The following MCTP1 variants were observed in gnomAD, a reference collection of about 807,000 sequenced individuals.
MCTP1 encodes multiple C2 and transmembrane domain-containing protein 1.
MCTP1 carries 69 observed loss-of-function variants against 120.6 expected under a neutral mutation model. The ratio of observed to expected loss-of-function variants is 0.57; its 90% CI spans 0.47 to 0.70. The LOEUF (loss-of-function observed/expected upper bound fraction) is 0.70. Ranked by LOEUF, MCTP1 falls within the 30% of genes least tolerant of loss-of-function variation. MCTP1 has a pLI of 0.00. For missense variants in MCTP1, 1,203 were observed against 1,248.8 expected, an observed-to-expected ratio of 0.96 and a Z score of 0.55; for synonymous variants, 529 against 493.1, an observed-to-expected ratio of 1.07 and a Z score of -0.96.
chr5:95,159,818 C>A (rs1231161571), intron 1 of MCTP1, among the ~76,000 whole-genome samples: 1 of 152,052 alleles, frequency 6.6e-6, no homozygotes, highest in African/African-American at 2.4e-5. Flanking sequence ...GCATCAAGTT[C>A]TACCTAGAGT....
intron 1 of MCTP1, among the ~76,000 whole-genome samples, chr5:95,101,672 G>A (rs890738697): frequency 1.4e-4 from 21 of 152,200 alleles, no homozygotes; most frequent in Middle Eastern, 3.2e-3. Flanking sequence ...AACGTAGAGA[G>A]TCACTCCAAC....
intron 18 of MCTP1, chr5:94,793,318 G>A (rs1467845693): frequency 1.3e-5 from 2 of 152,130 alleles, no homozygotes; most frequent in African/African-American, 4.8e-5. Flanking sequence ...CTGATTGGCT[G>A]TTGATTCTAC....
chr5:95,067,556 C>G (rs1189046560), intron 1 of MCTP1, among the ~76,000 whole-genome samples: 1 of 151,864 alleles, frequency 6.6e-6, no homozygotes, highest in African/African-American at 2.4e-5. Flanking sequence ...AATACAATTT[C>G]TAAACAGAAA....
At chr5:94,847,694 A>G (rs1414865467) in intron 17 of MCTP1, among the ~76,000 whole-genome samples, 14 of 149,070 alleles carry the variant, frequency 9.4e-5, no homozygotes, top group African/African-American at 2.0e-4. Flanking sequence ...ATATATATAT[A>G]TATATATATA....
rs374301619 is a variant in MCTP1 at position 94,781,337 on chromosome 5, TAGC to T, written c.2557-2177_2557-2175del. 4.1e-4 allele frequency among the ~76,000 whole-genome samples: 63 copies of T among 152,238 alleles called. 1 individual carries two copies. The East Asian group carries it at 0.01, about 25-fold the overall frequency. On this transcript the variant is annotated intron_variant, in intron 18 of 22. Coordinates refer to ENST00000515393, the MANE Select transcript of MCTP1 (RefSeq NM_024717.7). ...AGGCAGGATGGTGGTGGGCTGTGCT[TAGC>T]AGATTGTCAGGTACATAATAGGTGT...
chr5:95,284,380 T>C lies in MCTP1; in HGVS notation c.196A>G (p.Asn66Asp). The C allele has an allele frequency of 6.3e-7, 1 of 1,594,642 alleles. No homozygotes were observed. Residue 66 changes from asparagine to aspartate, a missense_variant, in exon 1 of 23, where the codon AAT (asparagine) becomes GAT (aspartate). Asn to Asp is a conservative substitution (Grantham distance 23). Around this residue, in one of 2 missense-constraint regions of MCTP1, gnomAD observed 463 missense variants for 377.8 expected, o/e 1.23. Transcript: ENST00000515393. The surrounding 1 kb of genome is among the most constrained non-coding windows in gnomAD (Gnocchi z 5.2). ...GCACCACTCCCCCTGGCCGGTGCAT[T>C]CCCTGTGCCCACCGGGGGTGGCGGG... ...PSPPPPVGTG[N>D]APARGSGAGS...
chr5:95,189,553 A>G (rs150116912), intron 1 of MCTP1, among the ~76,000 whole-genome samples: 2 of 152,218 alleles, frequency 1.3e-5, no homozygotes, highest in African/African-American at 4.8e-5. Flanking sequence ...GGAGTTTCTA[A>G]TGCAGGCATC....
chr5:95,058,236 T>A (rs1256590012), intron 1 of MCTP1, among the ~76,000 whole-genome samples: 2 of 152,246 alleles, frequency 1.3e-5, no homozygotes, highest in Non-Finnish European at 2.9e-5. Context: ...TAGAATTTAA[T>A]GTGATATTAC....
In MCTP1 at chr5:95,055,272, C is replaced by T. The variant is rs78623945; in HGVS notation, c.721-37788G>A. Reference sequence around the variant, plus strand: ...TCCTCCCTTTTTGTAGTTCCTCTTCCGAGCTAATCAAGATTATTACCAATC... The same window carrying T: ...TCCTCCCTTTTTGTAGTTCCTCTTCTGAGCTAATCAAGATTATTACCAATC... On this transcript the variant is annotated intron_variant, in intron 1 of 22. Coordinates refer to ENST00000515393, the MANE Select transcript of MCTP1 (RefSeq NM_024717.7). Among the ~76,000 whole-genome samples the T allele has an allele frequency of 2.1e-3, 313 of 152,168 alleles. 6 individuals carry two copies. In the East Asian group the frequency reaches 0.057, roughly 28 times the overall value.
At chr5:94,753,455 C>CA (rs1277188343) in intron 19 of MCTP1, among the ~76,000 whole-genome samples, 1 of 152,036 alleles carries the variant, frequency 6.6e-6, no homozygotes, top group Admixed American at 6.6e-5. Context: ...TCATTGGATG[C>CA]AAAAAATTCA....
chr5:94,772,108 G>C (rs1282272241), intron 19 of MCTP1, among the ~76,000 whole-genome samples: 1 of 152,050 alleles, frequency 6.6e-6, no homozygotes, highest in East Asian at 1.9e-4. Context: ...GTTCATTCTT[G>C]GTTATTTCTT....
intron 1 of MCTP1, among the ~76,000 whole-genome samples, chr5:95,105,435 T>C (rs1271541617): frequency 6.6e-6 from 1 of 152,128 alleles, no homozygotes; most frequent in African/African-American, 2.4e-5. Context: ...TTATCTATCT[T>C]CTCCTGGGGA....
intron 3 of MCTP1, among the ~76,000 whole-genome samples, chr5:94,951,419 T>C (rs940771670): frequency 1.3e-5 from 2 of 152,234 alleles, no homozygotes; most frequent in African/African-American, 4.8e-5. Flanking sequence ...GACAGTCACA[T>C]GGTTCTTTCA....
intron 19 of MCTP1, among the ~76,000 whole-genome samples, chr5:94,768,902 G>C (rs765080552): frequency 4.2e-4 from 64 of 152,088 alleles, no homozygotes; most frequent in Non-Finnish European, 7.1e-4. Context: ...CAAAGGAAAG[G>C]AAATCAGTAT....
chr5:94,751,040 A>C (rs1297083223), intron 19 of MCTP1, among the ~76,000 whole-genome samples: 1 of 152,160 alleles, frequency 6.6e-6, no homozygotes, highest in Non-Finnish European at 1.5e-5. Flanking sequence ...AACAGTCCCC[A>C]TATCTCTCCT....
intron 1 of MCTP1, among the ~76,000 whole-genome samples, chr5:95,235,776 G>A (rs952456068): frequency 2.6e-5 from 4 of 152,054 alleles, no homozygotes; most frequent in African/African-American, 9.7e-5. Flanking sequence ...CATCTTTGTG[G>A]AAAATCTGAT....
At chr5:94,913,670 G>A (rs762216228) in intron 8 of MCTP1, among the ~76,000 whole-genome samples, 13 of 151,720 alleles carry the variant, frequency 8.6e-5, no homozygotes, top group Non-Finnish European at 1.6e-4. Flanking sequence ...TTACATTTTA[G>A]TATCTGAATA....
intron 1 of MCTP1, among the ~76,000 whole-genome samples, chr5:95,132,597 G>C (rs1423293313): frequency 2.0e-5 from 3 of 152,038 alleles, no homozygotes; most frequent in Non-Finnish European, 4.4e-5. Context: ...TGACTCGTCG[G>C]CTCTGCAGTC....
intron 1 of MCTP1, among the ~76,000 whole-genome samples, chr5:95,020,537 C>G (rs1838005828): frequency 6.6e-6 from 1 of 151,952 alleles, no homozygotes; most frequent in African/African-American, 2.4e-5. Flanking sequence ...TATTTCCTCC[C>G]AGTGTCATCT....
Sources: gnomAD v4.1 joint callset for allele counts (sites outside exome capture counted in the v4.1 genomes callset) on GRCh38, gnomAD v4.1.1 for gene constraint, gnomAD v4.1.1 regional missense constraint, Gnocchi (gnomAD v3.1) non-coding constraint, MANE v1.5 for transcripts, NCBI Gene and HGNC (gene_info 2026-07-23, HGNC 2026-07-21) for gene names.